Variants in DNAH10 observed in about 807,000 individuals in gnomAD.
DNAH10 encodes dynein axonemal heavy chain 10, also known as axonemal beta dynein heavy chain 10.
DNAH10 carries 348 observed loss-of-function variants against 506.6 expected under a neutral mutation model. That is an observed-to-expected ratio of 0.69 (90% confidence interval 0.63 to 0.75). The LOEUF (loss-of-function observed/expected upper bound fraction) is 0.75. DNAH10 is among the 30% of genes least tolerant of loss of function. The pLI, the probability that DNAH10 is intolerant of heterozygous loss-of-function variation, is 0.00. For missense variants in DNAH10, 5,179 were observed against 5,787.1 expected (o/e 0.89, Z 3.41); for synonymous variants, 2,059 against 2,198.6 (o/e 0.94, Z 1.78).
intron 39 of DNAH10, among the ~76,000 whole-genome samples, chr12:123,864,367 G>C (rs1017756818): frequency 6.6e-6 from 1 of 151,674 alleles, no homozygotes; most frequent in South Asian, 2.1e-4. Flanking sequence ...GACTGGTCTC[G>C]AACTCCTGAC....
chr12:123,920,555 G>C (rs955791895), intron 65 of DNAH10, among the ~76,000 whole-genome samples: 1 of 152,182 alleles, frequency 6.6e-6, no homozygotes, highest in South Asian at 2.1e-4. Flanking sequence ...CTATAAAATA[G>C]AAGGATTCTA....
intron 6 of DNAH10, among the ~76,000 whole-genome samples, chr12:123,782,359 C>T: frequency 9.0e-6 from 1 of 110,930 alleles, no homozygotes; most frequent in Non-Finnish European, 1.8e-5. Flanking sequence ...CCCTCCCCTT[C>T]TCTCCCCTCC....
rs1214282225 is a variant in DNAH10 at position 123,913,331 on chromosome 12, G to A, written c.10352+16G>A. 5.8e-6 allele frequency: 9 copies of A among 1,562,312 alleles called. No homozygotes were observed. The Admixed American group carries it at 7.6e-5, about 13-fold the overall frequency. On this transcript the variant is annotated intron_variant, in intron 60 of 78. Coordinates refer to ENST00000673944, the MANE Select transcript of DNAH10 (RefSeq NM_001372106.1). The surrounding 1 kb of genome is among the most constrained non-coding windows in gnomAD (Gnocchi z 5.1). ...AAAACATCAGGTTAGCGCTGCTCACGAGCCCACCTGTTGCGGTTTGTAAAC... is the reference window on the plus strand; with the variant it reads ...AAAACATCAGGTTAGCGCTGCTCACAAGCCCACCTGTTGCGGTTTGTAAAC...
chr12:123,886,759 G>A (rs776098369), intron 51 of DNAH10, among the ~76,000 whole-genome samples: 108 of 151,996 alleles, frequency 7.1e-4, no homozygotes, highest in Non-Finnish European at 1.3e-4. Context: ...CAGAAAAAGC[G>A]TGCTTTAAAC....
intron 48 of DNAH10, 55 bp downstream of exon 48, chr12:123,877,963 T>C (rs1427511706): frequency 1.3e-6 from 2 of 1,568,906 alleles, no homozygotes; most frequent in African/African-American, 2.7e-5. Context: ...AGTTTTCTTA[T>C]TCTTTTAAGA....
At chr12:123,767,986 G>A (rs995983261) in intron 2 of DNAH10, among the ~76,000 whole-genome samples, 1 of 152,140 alleles carries the variant, frequency 6.6e-6, no homozygotes, top group South Asian at 2.1e-4. Flanking sequence ...CCAAGGGGAG[G>A]ATCCTTCCTA....
At chr12:123,829,788 T>A (rs918727721) in intron 25 of DNAH10, among the ~76,000 whole-genome samples, 2 of 152,020 alleles carry the variant, frequency 1.3e-5, no homozygotes, top group Non-Finnish European at 2.9e-5. Flanking sequence ...CGTTCTGCTG[T>A]CTAGCGTCAT....
Position 123,917,904 on chromosome 12 carries a change from GGGGCTCTGTGATCTCA to G in DNAH10, c.11232+97_11232+112del. 1 of 1,390,414 alleles carries G rather than the reference GGGGCTCTGTGATCTCA, an allele frequency of 7.2e-7. No individual in the cohort carries two copies. Among genetic ancestry groups the G allele is most frequent in the Admixed American group, 2.2e-5 (1 of 46,324 alleles). 86.1% of individuals were successfully genotyped at this position (1,390,414 alleles called of 1,614,324 possible). ...TTCTCTGTCTGCTCAATGAGAAAAT[GGGGCTCTGTGATCTCA>G]GGGCTAAAAACCCACCTCTATTGGG... On this transcript the variant is annotated intron_variant, in intron 64 of 78. Transcript: ENST00000673944. The surrounding 1 kb of genome is among the most constrained non-coding windows in gnomAD (Gnocchi z 5.6).
Position 123,918,690 on chromosome 12 carries a change from C to G in DNAH10, c.11247C>G (p.Leu3749=). Residue 3749 remains leucine (L), a synonymous_variant, in exon 65 of 79, where the codon CTC becomes CTG. Transcript: ENST00000673944. ...KSKATEVSEK[L]KLAEKTALDI... is the part of the protein sequence containing the mutation. ...CTTTTCTTCAGGTCTCAGAGAAACTCAAGCTGGCGGAGAAGACAGCCTTGG... is the reference window on the plus strand; with the variant it reads ...CTTTTCTTCAGGTCTCAGAGAAACTGAAGCTGGCGGAGAAGACAGCCTTGG... The G allele has an allele frequency of 6.4e-7, 1 of 1,555,294 alleles. No individual in the cohort carries two copies. Among genetic ancestry groups the G allele is most frequent in the Non-Finnish European group, 8.7e-7 (1 of 1,147,380 alleles).
intron 65 of DNAH10, chr12:123,922,888 A>G (rs1333915851): frequency 6.6e-6 from 1 of 152,168 alleles, no homozygotes; most frequent in Non-Finnish European, 1.5e-5. Flanking sequence ...AAATACTGTC[A>G]TATTCTCAGG....
chr12:123,916,755 T>C lies in DNAH10; in HGVS notation c.11002+19T>C, dbSNP rs1954498620. The C allele has an allele frequency of 1.3e-6, 2 of 1,588,992 alleles. No homozygotes were observed. The highest frequency in any genetic ancestry group is 1.7e-4 in the Middle Eastern group (1 of 5,948). ...TACACTGGTAAGAATGTGTAGAACC[T>C]CCACTGCTAATTCAGATGGTTATGA... On this transcript the variant is annotated intron_variant, in intron 63 of 78. Transcript: ENST00000673944. This position sits in a 1 kb window ranked among gnomAD's most constrained non-coding sequence, Gnocchi z 4.6.
At chr12:123,908,184 TCCTCCCTGTCTCTCTGTCC>T (rs1566083303) in intron 57 of DNAH10, 1 of 366,846 alleles carries the variant, frequency 2.7e-6, no homozygotes, top group Admixed American at 3.3e-5. Flanking sequence ...TCTCTCTGTC[TCCTCCCTGTCTCTCTGTCC>T]CCTCCCTGTC....
rs1594406266 is a variant in DNAH10 at position 123,928,290 on chromosome 12, T to G, written c.12106-97T>G. The stretch of plus-strand genomic sequence containing the variant: ...GCTTGCTTTTGGCTTCTGCTGGAGC[T>G]GCCATCGCCCTTCTGTGGGTGTGGA... On this transcript the variant is annotated intron_variant, in intron 69 of 78. Coordinates refer to ENST00000673944, the MANE Select transcript of DNAH10 (RefSeq NM_001372106.1). The surrounding 1 kb of genome is among the most constrained non-coding windows in gnomAD (Gnocchi z 4.9). 4 of 1,345,540 alleles carry G rather than the reference T, an allele frequency of 3.0e-6. No individual in the cohort carries two copies. The highest frequency in any genetic ancestry group is 4.0e-6 in the Non-Finnish European group (4 of 994,888). 83.4% of individuals were successfully genotyped at this position (1,345,540 alleles called of 1,614,324 possible).
chr12:123,803,622 T>C, intron 16 of DNAH10, 39 bp from the exon 17 acceptor site: 2 of 1,484,654 alleles, frequency 1.3e-6, no homozygotes, highest in South Asian at 2.8e-5. Flanking sequence ...AAAGACAGAG[T>C]TGGAAGCCAA....
chr12:123,855,898 TTTTA>T (rs1454856213), intron 36 of DNAH10, among the ~76,000 whole-genome samples: 19 of 150,092 alleles, frequency 1.3e-4, no homozygotes, highest in Admixed American at 1.2e-3. Context: ...CTATTTTATA[TTTTA>T]TTTAATTTTT....
chr12:123,856,993 C>T, intron 36 of DNAH10, 63 bp from the exon 37 acceptor site: 1 of 1,378,744 alleles, frequency 7.3e-7, no homozygotes, highest in Non-Finnish European at 9.7e-7. Context: ...GGGTTGGAAA[C>T]ACAGTCCAAA....
chr12:123,902,971 G>A lies in DNAH10; in HGVS notation c.9673G>A (p.Ala3225Thr), dbSNP rs1278653743. The A allele has an allele frequency of 3.8e-6, 6 of 1,592,230 alleles. No homozygotes were observed. The highest frequency in any genetic ancestry group is 1.1e-5 in the South Asian group (1 of 87,410). Residue 3225 changes from alanine (A) to threonine (T), a missense_variant, in exon 57 of 79, where the codon GCC becomes ACC. Coordinates refer to ENST00000673944, the MANE Select transcript of DNAH10 (RefSeq NM_001372106.1). This position sits in a 1 kb window ranked among gnomAD's most constrained non-coding sequence, Gnocchi z 4.5. ...GAAGAAGAAACTGGCAGAGGAAAAGGCCATGGAGATAGAGGAGCAGAACAA... is the reference window on the plus strand; with the variant it reads ...GAAGAAGAAACTGGCAGAGGAAAAGACCATGGAGATAGAGGAGCAGAACAA... ...EEKKKLAEEK[A>T]MEIEEQNKVI...
chr12:123,787,625 C>T lies in DNAH10; in HGVS notation c.1422-179C>T, dbSNP rs923000126. ...ACGGAAACCTCGCAGCTTGGGACTC[C>T]CGCCCTTGCACATGGGACAGGGCAG... On this transcript the variant is annotated intron_variant, in intron 9 of 78. Transcript: ENST00000673944. This position sits in a 1 kb window ranked among gnomAD's most constrained non-coding sequence, Gnocchi z 4.6. 1.3e-5 allele frequency among the ~76,000 whole-genome samples: 2 copies of T among 152,258 alleles called. No individual in the cohort carries two copies. Among genetic ancestry groups the T allele is most frequent in the East Asian group, 1.9e-4 (1 of 5,190 alleles).
intron 18 of DNAH10, among the ~76,000 whole-genome samples, chr12:123,805,669 T>C (rs1236651165): frequency 1.3e-5 from 2 of 152,188 alleles, no homozygotes. Flanking sequence ...TTGTCAAGAG[T>C]AGTGTTCATT....
Sources: gnomAD v4.1 joint callset for allele counts (sites outside exome capture counted in the v4.1 genomes callset) on GRCh38, gnomAD v4.1.1 for gene constraint, Gnocchi (gnomAD v3.1) non-coding constraint, MANE v1.5 for transcripts, NCBI Gene and HGNC (gene_info 2026-07-23, HGNC 2026-07-21) for gene names.